CENPP: variants seen among roughly 807,000 people sequenced by gnomAD.
CENPP encodes the protein centromere protein P.
A neutral mutation model predicts 35.6 loss-of-function variants in CENPP; 24 were observed. The observed-to-expected ratio is 0.67, with a 90% CI of 0.49 to 0.95. CENPP has a LOEUF of 0.95. Among genes scored for constraint, CENPP ranks in the 40% least tolerant of loss-of-function variants. The pLI is 0.00. For synonymous variants in CENPP, 120 were observed against 125.5 expected (o/e 0.96, Z 0.29); for missense variants, 332 against 345.3 (o/e 0.96, Z 0.31).
At chr9:92,352,539 A>ATATATATATATATATATATATATATAT (rs1186628278) in intron 4 of CENPP, among the ~76,000 whole-genome samples, 5 of 105,444 alleles carry the variant, frequency 4.7e-5, no homozygotes, top group Admixed American at 9.6e-5. Flanking sequence ...ATATATATAT[A>ATATATATATATATATATATATATATAT]ATATAACGGG....
intron 4 of CENPP, among the ~76,000 whole-genome samples, chr9:92,352,892 A>G (rs1841500785): frequency 1.3e-5 from 2 of 152,006 alleles, no homozygotes; most frequent in Non-Finnish European, 1.5e-5. Flanking sequence ...TGTATCCTTC[A>G]ATCCAATCTA....
At chr9:92,503,372 C>T (rs1279311194) in intron 5 of CENPP, among the ~76,000 whole-genome samples, 1 of 152,194 alleles carries the variant, frequency 6.6e-6, no homozygotes, top group East Asian at 1.9e-4. Flanking sequence ...ATGACTAATG[C>T]TGAGAGGGGC....
At chr9:92,573,543 G>T (rs1850202725) in intron 5 of CENPP, among the ~76,000 whole-genome samples, 1 of 152,176 alleles carries the variant, frequency 6.6e-6, no homozygotes, top group African/African-American at 2.4e-5. Context: ...GCTACTCGGG[G>T]GTCAGGGACC....
chr9:92,342,363 A>G (rs1019522893), intron 3 of CENPP, among the ~76,000 whole-genome samples: 15 of 152,226 alleles, frequency 9.9e-5, no homozygotes, highest in African/African-American at 3.4e-4. Context: ...ATGCAGGGGG[A>G]AAAAAATCTA....
chr9:92,422,730 A>G (rs1409300387), intron 5 of CENPP, among the ~76,000 whole-genome samples: 1 of 152,020 alleles, frequency 6.6e-6, no homozygotes, highest in Non-Finnish European at 1.5e-5. Context: ...TTTCATCTAT[A>G]TGCTCATTAT....
intron 5 of CENPP, chr9:92,393,380 A>G: frequency 1.6e-6 from 1 of 641,774 alleles, no homozygotes; most frequent in Non-Finnish European, 2.5e-6. Flanking sequence ...AAAGATAGTC[A>G]TGGTAACTCG....
intron 4 of CENPP, among the ~76,000 whole-genome samples, chr9:92,365,188 C>T (rs954878092): frequency 4.0e-5 from 6 of 151,824 alleles, no homozygotes; most frequent in East Asian, 1.9e-4. Flanking sequence ...TATTAGATAT[C>T]GATAAGTGGT....
chr9:92,417,723 T>C, intron 5 of CENPP: 1 of 505,886 alleles, frequency 2.0e-6, no homozygotes, highest in South Asian at 4.2e-5. Context: ...CAAACCAAAA[T>C]TTTTTTCTTT....
At chr9:92,605,506 G>A (rs1851053308) in intron 5 of CENPP, among the ~76,000 whole-genome samples, 3 of 152,038 alleles carry the variant, frequency 2.0e-5, no homozygotes, top group Non-Finnish European at 4.4e-5. Flanking sequence ...AACAGAAAAT[G>A]TTACTAAAAT....
rs998710660 is a variant in CENPP at position 92,332,194 on chromosome 9, A to G, written c.132A>G (p.Gln44=). The G allele has an allele frequency of 3.7e-6, 6 of 1,606,036 alleles. No individual in the cohort carries two copies. In the South Asian group the frequency reaches 5.6e-5, roughly 15 times the overall value. The change falls in exon 2 of 8, where the codon CAA becomes CAG. Residue 44 remains glutamine, a synonymous_variant. Transcript: ENST00000375587. ...GAAAATCTTTTCAAGCCATACACCA[A>G]TTCAATTTGGAAGGATGGAAGTCTT... ...RVQKSFQAIH[Q]FNLEGWKSSK... is the part of the protein sequence containing the mutation.
intron 5 of CENPP, among the ~76,000 whole-genome samples, chr9:92,541,168 A>G (rs1563995556): frequency 6.6e-6 from 1 of 151,932 alleles, no homozygotes; most frequent in Non-Finnish European, 1.5e-5. Context: ...CTGAGGCAGG[A>G]CAATCACTTG....
chr9:92,395,061 A>G (rs1842839760), intron 5 of CENPP, among the ~76,000 whole-genome samples: 1 of 152,012 alleles, frequency 6.6e-6, no homozygotes, highest in Non-Finnish European at 1.5e-5. Context: ...CTGACTTACA[A>G]TTAATTGCGT....
At chr9:92,358,367 C>T (rs372369495) in intron 4 of CENPP, among the ~76,000 whole-genome samples, 5 of 151,946 alleles carry the variant, frequency 3.3e-5, no homozygotes, top group African/African-American at 9.7e-5. Flanking sequence ...CTCAGCCTCC[C>T]GAGTAGCTGG....
chr9:92,335,804 C>A (rs1010809815), intron 2 of CENPP, among the ~76,000 whole-genome samples: 12 of 152,168 alleles, frequency 7.9e-5, no homozygotes, highest in East Asian at 1.9e-4. Context: ...TAGTAAGTCT[C>A]TAAATCAGGT....
chr9:92,378,493 T>A (rs972359739), intron 4 of CENPP, among the ~76,000 whole-genome samples: 1 of 152,180 alleles, frequency 6.6e-6, no homozygotes, highest in Non-Finnish European at 1.5e-5. Context: ...CTCCCTTGAT[T>A]CCTGAAGACT....
At chr9:92,372,729 C>T (rs577450429) in intron 4 of CENPP, among the ~76,000 whole-genome samples, 6 of 152,140 alleles carry the variant, frequency 3.9e-5, no homozygotes, top group Non-Finnish European at 8.8e-5. Context: ...TTATTTTCTT[C>T]ACACACTGAA....
rs537604390 is a variant in CENPP, at chr9:92,618,183, G to A, written c.*5034G>A. 6.6e-6 allele frequency: 3 copies of A among 455,362 alleles called. No homozygotes were observed. Among genetic ancestry groups the A allele is most frequent in the African/African-American group, 6.0e-5 (3 of 50,138 alleles). The allele number at this position is 455,362 out of a possible 1,614,324, so 28.2% of individuals were successfully genotyped here. On this transcript the variant is annotated 3_prime_UTR_variant, in exon 8 of 8. Transcript: ENST00000375587. ...TGTTCTCGGAGGAGAAGCCTTCTCT[G>A]AGATCCTCTCCTTTTGTTGAGAAAG...
chr9:92,325,963 C>T lies in CENPP; in HGVS notation c.-36C>T, dbSNP rs1195522976. 5 of 1,520,122 alleles carry T rather than the reference C, an allele frequency of 3.3e-6. No individual in the cohort carries two copies. The highest frequency in any genetic ancestry group is 4.9e-5 in the East Asian group (2 of 40,630). 94.2% of individuals were successfully genotyped at this position (1,520,122 alleles called of 1,614,324 possible). A position where few individuals can be genotyped will look rare whatever the true frequency, so the allele number is the denominator to read the frequency against. Reference sequence around the variant, plus strand: ...TGAAGCGCGCAGGTCGGAGTGACAGCTGCGCTGCCGGCCCGGCTGCGGTCA... The same window carrying T: ...TGAAGCGCGCAGGTCGGAGTGACAGTTGCGCTGCCGGCCCGGCTGCGGTCA... On this transcript the variant is annotated 5_prime_UTR_variant, in exon 1 of 8. Coordinates refer to ENST00000375587, the MANE Select transcript of CENPP (RefSeq NM_001012267.3).
At chr9:92,608,938 G>A (rs988353638) in intron 5 of CENPP, among the ~76,000 whole-genome samples, 11 of 152,164 alleles carry the variant, frequency 7.2e-5, no homozygotes, top group Admixed American at 6.5e-4. Context: ...GCTGAACCTC[G>A]GGCCCCACGT....
Sources: allele counts gnomAD v4.1 joint callset (sites outside exome capture counted in the v4.1 genomes callset), GRCh38; gene constraint gnomAD v4.1.1; transcripts MANE v1.5; gene names NCBI Gene and HGNC (gene_info 2026-07-23, HGNC 2026-07-21).